GLRB: variants seen among roughly 807,000 people sequenced by gnomAD.
The protein encoded by GLRB is glycine receptor beta.
A neutral mutation model predicts 54.2 loss-of-function variants in GLRB; 33 were observed. The ratio of observed to expected loss-of-function variants is 0.61; its 90% CI spans 0.46 to 0.81. The LOEUF is 0.81. GLRB is among the 40% of genes least tolerant of loss of function. The probability of loss-of-function intolerance (pLI) is 0.00; values close to 1 mark genes in which losing one functional copy is unlikely to be tolerated. For missense variants in GLRB, 572 were observed against 584.6 expected, an observed-to-expected ratio of 0.98 and a Z score of 0.22; for synonymous variants, 209 against 208.2, an observed-to-expected ratio of 1.00 and a Z score of -0.03.
At chr4:157,168,347 C>T (rs533826053) in intron 9 of GLRB, among the ~76,000 whole-genome samples, 4 of 152,068 alleles carry the variant, frequency 2.6e-5, no homozygotes, top group African/African-American at 7.2e-5. Context: ...TTCTTAGAAG[C>T]GAATTTGGCT....
rs778568230 is a variant in GLRB, at chr4:157,122,393, C to A, written c.293C>A (p.Thr98Lys). 5 of 1,179,294 alleles carry A rather than the reference C, an allele frequency of 4.2e-6. No individual in the cohort carries two copies. The highest frequency in any genetic ancestry group is 3.8e-6 in the Non-Finnish European group (3 of 797,726). The allele number at this position is 1,179,294 out of a possible 1,614,324, so 73.1% of individuals were successfully genotyped here. ...INSFGSIQET[T>K]MDYRVNIFLR... ...AGTTTTGGATCCATTCAAGAAACAA[C>A]AATGGTAAGATTGCAATTAATTTAA... Residue 98 changes from threonine to lysine, a missense_variant, in exon 4 of 10, where the codon ACA becomes AAA. Thr to Lys is a moderately conservative substitution (Grantham distance 78). Transcript: ENST00000264428.
intron 8 of GLRB, among the ~76,000 whole-genome samples, chr4:157,150,838 T>C (rs1736996064): frequency 6.6e-6 from 1 of 152,030 alleles, no homozygotes; most frequent in African/African-American, 2.4e-5. Context: ...ACATCTGTCC[T>C]ATCATAACGT....
intron 7 of GLRB, among the ~76,000 whole-genome samples, chr4:157,141,623 G>C (rs1438171266): frequency 6.6e-6 from 1 of 151,890 alleles, no homozygotes; most frequent in Non-Finnish European, 1.5e-5. Context: ...GAAATAGAAA[G>C]TAAATTGAAT....
chr4:157,129,298 A>C (rs1736128268), intron 4 of GLRB, among the ~76,000 whole-genome samples: 1 of 151,788 alleles, frequency 6.6e-6, no homozygotes, highest in African/African-American at 2.4e-5. Context: ...TGCAAGATAA[A>C]TGATAGAGCT....
At chr4:157,082,342 A>T (rs1312678996) in intron 2 of GLRB, among the ~76,000 whole-genome samples, 1 of 152,172 alleles carries the variant, frequency 6.6e-6, no homozygotes, top group Admixed American at 6.5e-5. Context: ...TATGATAATT[A>T]TCTATTGTAA....
At chr4:157,124,080 G>T (rs1008879355) in intron 4 of GLRB, among the ~76,000 whole-genome samples, 9 of 151,752 alleles carry the variant, frequency 5.9e-5, no homozygotes, top group African/African-American at 2.2e-4. Context: ...GAAAATACCA[G>T]GGAGCATGTA....
chr4:157,083,821 G>A (rs1734311735), intron 2 of GLRB, among the ~76,000 whole-genome samples: 1 of 151,978 alleles, frequency 6.6e-6, no homozygotes, highest in Non-Finnish European at 1.5e-5. Context: ...CATGAATAAT[G>A]TTTTTTAAAA....
chr4:157,160,591 C>A (rs1465834923), intron 9 of GLRB, among the ~76,000 whole-genome samples: 1 of 151,830 alleles, frequency 6.6e-6, no homozygotes, highest in African/African-American at 2.4e-5. Flanking sequence ...CGTTATGTAT[C>A]CAGTAGTCAC....
At chr4:157,151,576 G>A (rs1193248871) in intron 8 of GLRB, among the ~76,000 whole-genome samples, 5 of 152,104 alleles carry the variant, frequency 3.3e-5, no homozygotes, top group Non-Finnish European at 7.4e-5. Flanking sequence ...TTTGCTTAAC[G>A]TGTTTCCTTC....
chr4:157,091,690 G>C (rs75277743), intron 2 of GLRB, among the ~76,000 whole-genome samples: 5,712 of 152,216 alleles, frequency 0.038, 101 homozygotes, highest in Middle Eastern at 0.055. Context: ...GATGCTCAGT[G>C]TATATCCAAT....
At position 157,136,603 on chromosome 4, in the gene GLRB, T is replaced by G; in HGVS notation, c.432T>G (p.Phe144Leu). ...AGTGTTTATGGAAACCTGATTTATTTTTTGCAAATGAAAAAAGTGCCAATT... is the reference window on the plus strand; with the variant it reads ...AGTGTTTATGGAAACCTGATTTATTGTTTGCAAATGAAAAAAGTGCCAATT... ...MYKCLWKPDL[F>L]FANEKSANFH... Residue 144 changes from phenylalanine to leucine, a missense_variant, in exon 5 of 10, where the codon TTT (phenylalanine) becomes TTG (leucine). Coordinates refer to ENST00000264428, the MANE Select transcript of GLRB (RefSeq NM_000824.5). The G allele has an allele frequency of 6.2e-7, 1 of 1,613,248 alleles. No homozygotes were observed. The highest frequency in any genetic ancestry group is 8.5e-7 in the Non-Finnish European group (1 of 1,179,326).
chr4:157,105,967 G>A (rs1370095968), intron 2 of GLRB, among the ~76,000 whole-genome samples: 1 of 151,810 alleles, frequency 6.6e-6, no homozygotes, highest in East Asian at 1.9e-4. Flanking sequence ...CACCATTATA[G>A]TAATATGATA....
At chr4:157,135,428 C>G (rs992031910) in intron 4 of GLRB, among the ~76,000 whole-genome samples, 1 of 151,984 alleles carries the variant, frequency 6.6e-6, no homozygotes, top group Non-Finnish European at 1.5e-5. Flanking sequence ...TGGGAGGGAC[C>G]TGGTGGGAGA....
At chr4:157,168,537 G>A (rs1737802184) in intron 9 of GLRB, among the ~76,000 whole-genome samples, 1 of 151,920 alleles carries the variant, frequency 6.6e-6, no homozygotes, top group South Asian at 2.1e-4. Context: ...AAGTCCTATT[G>A]AACAAGGATG....
chr4:157,082,172 A>C (rs956814469), intron 2 of GLRB, among the ~76,000 whole-genome samples: 3 of 152,126 alleles, frequency 2.0e-5, no homozygotes, highest in Non-Finnish European at 4.4e-5. Flanking sequence ...CCACACCCAT[A>C]CATCCAACAT....
intron 8 of GLRB, among the ~76,000 whole-genome samples, chr4:157,149,413 G>T (rs116511257): frequency 6.6e-6 from 1 of 151,890 alleles, no homozygotes; most frequent in African/African-American, 2.4e-5. Flanking sequence ...TTGAAGTAAC[G>T]TTTTGTAATA....
chr4:157,142,529 C>A (rs1025341238), intron 7 of GLRB, among the ~76,000 whole-genome samples: 5 of 152,012 alleles, frequency 3.3e-5, no homozygotes, highest in African/African-American at 4.8e-5. Context: ...AATAGCCATT[C>A]TTTTATTTCA....
intron 2 of GLRB, among the ~76,000 whole-genome samples, chr4:157,118,781 A>G (rs1735698158): frequency 6.6e-6 from 1 of 151,670 alleles, no homozygotes; most frequent in South Asian, 2.1e-4. Flanking sequence ...TTTGATTTCA[A>G]TACAAAGCCA....
chr4:157,094,610 AC>A (rs1202607817), intron 2 of GLRB, among the ~76,000 whole-genome samples: 1 of 152,244 alleles, frequency 6.6e-6, no homozygotes, highest in Admixed American at 6.5e-5. Context: ...CTAAAGGCCA[AC>A]AAAAATTTGT....
Sources: allele counts gnomAD v4.1 joint callset (sites outside exome capture counted in the v4.1 genomes callset), GRCh38; gene constraint gnomAD v4.1.1; transcripts MANE v1.5; gene names NCBI Gene and HGNC (gene_info 2026-07-23, HGNC 2026-07-21).